The following EEF2K variants were observed in gnomAD, a reference collection of about 807,000 sequenced individuals.
EEF2K encodes the protein alternative protein EEF2K.
In EEF2K, 70 loss-of-function variants were observed where a neutral mutation model predicts 93.8. That is an observed-to-expected ratio of 0.75 (90% confidence interval 0.62 to 0.91). EEF2K has a LOEUF of 0.91. Ranked by LOEUF, EEF2K falls within the 40% of genes least tolerant of loss-of-function variation. EEF2K has a pLI of 0.00. For synonymous variants in EEF2K, 376 were observed against 380.8 expected (o/e 0.99, Z 0.15); for missense variants, 935 against 972.9 (o/e 0.96, Z 0.52).
chr16:22,254,127 C>A, intron 6 of EEF2K, among the ~76,000 whole-genome samples: 1 of 150,536 alleles, frequency 6.6e-6, no homozygotes, highest in Non-Finnish European at 1.5e-5. Flanking sequence ...GTAGTAGTAA[C>A]AATAATAATA....
At position 22,283,982 on chromosome 16, in the gene EEF2K, C is replaced by A; in HGVS notation, c.2164C>A (p.Gln722Lys). 1 of 1,579,604 alleles carries A rather than the reference C, an allele frequency of 6.3e-7. No homozygotes were observed. Among genetic ancestry groups the A allele is most frequent in the Non-Finnish European group, 8.6e-7 (1 of 1,162,392 alleles). ...YYQKAEEAWAQMEE is the reference protein window; with the variant it reads ...YYQKAEEAWAKMEE ...CCAAAAGGCTGAAGAGGCCTGGGCC[C>A]AGATGGAGGAGTAACCAGGAAAATC... Residue 722 changes from glutamine (Q) to lysine (K), a missense_variant, in exon 18 of 18, where the codon CAG becomes AAG. Gln to Lys is a moderately conservative substitution (Grantham distance 53). Coordinates refer to ENST00000263026, the MANE Select transcript of EEF2K (RefSeq NM_013302.5).
chr16:22,267,070 C>T (rs1302160528), intron 15 of EEF2K, among the ~76,000 whole-genome samples, 194 bp downstream of exon 15: 1 of 152,204 alleles, frequency 6.6e-6, no homozygotes, highest in Non-Finnish European at 1.5e-5. Context: ...GAATCGATCT[C>T]TGTCTTTGGA....
At chr16:22,269,786 C>G (rs1215341026) in intron 15 of EEF2K, among the ~76,000 whole-genome samples, 1 of 152,048 alleles carries the variant, frequency 6.6e-6, no homozygotes. Flanking sequence ...GGATATTGTT[C>G]GGCCCAGTAC....
chr16:22,220,295 C>G (rs1197845899), intron 1 of EEF2K, among the ~76,000 whole-genome samples: 1 of 152,212 alleles, frequency 6.6e-6, no homozygotes, highest in East Asian at 1.9e-4. Context: ...CTTCATTTCC[C>G]AGGGCCGAGG....
Position 22,250,650 on chromosome 16 carries a change from T to G in EEF2K, c.409-4T>G. 1 of 1,614,200 alleles carries G rather than the reference T, an allele frequency of 6.2e-7. No homozygotes were observed. The highest frequency in any genetic ancestry group is 1.1e-5 in the South Asian group (1 of 91,088). The stretch of plus-strand genomic sequence containing the variant: ...CTGATAACACTCTGTGTGGTGTCTT[T>G]CAGCCCTTCGGCCGAGGAGCAATGA... On this transcript the variant is annotated splice_polypyrimidine_tract_variant and splice_region_variant and intron_variant, in intron 4 of 17. Transcript: ENST00000263026.
intron 16 of EEF2K, among the ~76,000 whole-genome samples, chr16:22,278,970 A>G (rs1242037874): frequency 6.6e-6 from 1 of 152,188 alleles, no homozygotes; most frequent in Non-Finnish European, 1.5e-5. Flanking sequence ...CCCGCACAGC[A>G]GAGCATACGG....
chr16:22,280,120 C>T, intron 16 of EEF2K, 78 bp from the exon 17 acceptor site: 3 of 1,376,024 alleles, frequency 2.2e-6, no homozygotes, highest in South Asian at 3.7e-5. Context: ...CTGACTTGCC[C>T]CTCCTGCTGG....
chr16:22,284,014 G>A lies in EEF2K; in HGVS notation c.*18G>A, dbSNP rs541623010. On this transcript the variant is annotated 3_prime_UTR_variant, in exon 18 of 18. Transcript: ENST00000263026. ...AGGAGTAACCAGGAAAATCACTGCC[G>A]GCTAGTCCCAAGCAAACGGGCTAGG... The A allele has an allele frequency of 1.0e-4, 156 of 1,557,144 alleles. No homozygotes were observed. The Middle Eastern group carries it at 1.2e-3, about 12-fold the overall frequency.
At chr16:22,262,444 A>T (rs1385182451) in intron 11 of EEF2K, among the ~76,000 whole-genome samples, 1 of 152,074 alleles carries the variant, frequency 6.6e-6, no homozygotes, top group East Asian at 1.9e-4. Flanking sequence ...CAAGAGGTAG[A>T]GGTTGCAGTG....
intron 17 of EEF2K, among the ~76,000 whole-genome samples, chr16:22,281,614 C>G (rs11074510): frequency 0.15 from 23,192 of 152,070 alleles, 2,873 homozygotes; most frequent in African/African-American, 0.34. Flanking sequence ...TTCCATCACC[C>G]CAAAAAGAAA....
Position 22,225,745 on chromosome 16 carries a change from C to T in EEF2K, c.16C>T (p.Leu6Phe). The change falls in exon 2 of 18, where the codon CTC becomes TTC. Residue 6 changes from leucine to phenylalanine, a missense_variant. Physicochemically the swap from Leu to Phe is conservative, Grantham distance 22. Transcript: ENST00000263026. MADEDLIFRLEGVDGG... is the reference protein window; with the variant it reads MADEDFIFRLEGVDGG... The stretch of plus-strand genomic sequence containing the variant: ...CCCCAGGAACATGGCAGACGAAGAT[C>T]TCATCTTCCGCCTGGAAGGCGTTGA... 6.2e-7 allele frequency: 1 copy of T among 1,614,158 alleles called. No individual in the cohort carries two copies. Among genetic ancestry groups the T allele is most frequent in the Non-Finnish European group, 8.5e-7 (1 of 1,180,016 alleles).
At chr16:22,218,313 C>T (rs1056097921) in intron 1 of EEF2K, among the ~76,000 whole-genome samples, 1 of 152,208 alleles carries the variant, frequency 6.6e-6, no homozygotes, top group African/African-American at 2.4e-5. Flanking sequence ...GTGGGTTGTG[C>T]TGTGCTGGGC....
At chr16:22,254,377 T>C (rs1275485705) in intron 6 of EEF2K, among the ~76,000 whole-genome samples, 3 of 152,110 alleles carry the variant, frequency 2.0e-5, no homozygotes, top group Non-Finnish European at 4.4e-5. Context: ...GAAGCCTTGT[T>C]TGGGGCAAGT....
At chr16:22,250,198 G>A (rs541735983) in intron 4 of EEF2K, among the ~76,000 whole-genome samples, 3 of 152,236 alleles carry the variant, frequency 2.0e-5, no homozygotes, top group East Asian at 1.9e-4. Context: ...GACATAAGCC[G>A]CTGCTCCTGG....
chr16:22,264,048 C>T (rs2047492405), intron 12 of EEF2K, among the ~76,000 whole-genome samples: 1 of 152,084 alleles, frequency 6.6e-6, no homozygotes, highest in Non-Finnish European at 1.5e-5. Flanking sequence ...AATCCCAGCA[C>T]TTTGGGAGGC....
At chr16:22,259,737 G>T (rs1279657276) in intron 10 of EEF2K, among the ~76,000 whole-genome samples, 1 of 151,934 alleles carries the variant, frequency 6.6e-6, no homozygotes, top group East Asian at 1.9e-4. Flanking sequence ...ACCAGGAGAT[G>T]GTTGGTGTTT....
At chr16:22,266,367 C>T (rs745500607) in intron 13 of EEF2K, 23 bp from the exon 14 acceptor site, 12 of 1,606,634 alleles carry the variant, frequency 7.5e-6, no homozygotes, top group Admixed American at 3.4e-5. Flanking sequence ...CCCTCGCTTC[C>T]CTGGCCGGTT....
Position 22,222,021 on chromosome 16 carries a change from G to C in EEF2K, c.-76-3633G>C, listed in dbSNP as rs183478243. 9.3e-4 allele frequency among the ~76,000 whole-genome samples: 141 copies of C among 152,204 alleles called. 2 individuals are homozygous for C. Among genetic ancestry groups the C allele is most frequent in the Middle Eastern group, 3.4e-3 (1 of 294 alleles). ...GGAGGCAGAGCTTGCAGTGAGCCAA[G>C]ATTGTGCCACCCCACTCCAGCCTGG... is the stretch of plus-strand genomic sequence containing the variant. On this transcript the variant is annotated intron_variant, in intron 1 of 17. Transcript: ENST00000263026.
chr16:22,263,330 C>T (rs763016368), intron 12 of EEF2K, 143 bp downstream of exon 12: 13 of 677,386 alleles, frequency 1.9e-5, no homozygotes, highest in East Asian at 9.5e-5. Context: ...TATTTCAGGC[C>T]GGTCATGGTG....
Sources: allele counts gnomAD v4.1 joint callset (sites outside exome capture counted in the v4.1 genomes callset), GRCh38; gene constraint gnomAD v4.1.1; transcripts MANE v1.5; gene names NCBI Gene and HGNC (gene_info 2026-07-23, HGNC 2026-07-21).